DSCAM: variants seen among roughly 807,000 people sequenced by gnomAD.
DSCAM encodes DS cell adhesion molecule, also known as cell adhesion molecule DSCAM.
A neutral mutation model predicts 217.7 loss-of-function variants in DSCAM; 47 were observed. That is an observed-to-expected ratio of 0.22 (90% CI 0.17 to 0.28). DSCAM has a LOEUF of 0.28. Among genes scored for constraint, DSCAM ranks in the 10% least tolerant of loss-of-function variants. DSCAM has a pLI of 1.00. For missense variants in DSCAM, 2,080 were observed against 2,618.3 expected (o/e 0.79, Z 4.49); for synonymous variants, 1,056 against 1,015.3 (o/e 1.04, Z -0.76).
At chr21:40,457,906 A>G (rs1192318206) in intron 3 of DSCAM, among the ~76,000 whole-genome samples, 1 of 152,226 alleles carries the variant, frequency 6.6e-6, no homozygotes. Flanking sequence ...AAAACAGGGT[A>G]GAAAGCATTC....
intron 3 of DSCAM, among the ~76,000 whole-genome samples, chr21:40,643,931 C>A (rs933568820): frequency 6.6e-5 from 10 of 152,212 alleles, no homozygotes; most frequent in African/African-American, 1.4e-4. Flanking sequence ...GATTTTGTTA[C>A]GGCAGCCTGA....
At chr21:40,717,015 G>T (rs1221277580) in intron 1 of DSCAM, among the ~76,000 whole-genome samples, 1 of 152,192 alleles carries the variant, frequency 6.6e-6, no homozygotes, top group Non-Finnish European at 1.5e-5. Flanking sequence ...GTACATTCTA[G>T]GCAGAAGTCT....
At chr21:40,472,604 G>C (rs936789340) in intron 3 of DSCAM, among the ~76,000 whole-genome samples, 3 of 152,174 alleles carry the variant, frequency 2.0e-5, no homozygotes, top group Non-Finnish European at 2.9e-5. Context: ...ATCATTAGGA[G>C]CTTAGAGCTT....
At chr21:40,745,993 G>A (rs866722360) in intron 1 of DSCAM, among the ~76,000 whole-genome samples, 1 of 151,742 alleles carries the variant, frequency 6.6e-6, no homozygotes, top group Admixed American at 6.6e-5. Flanking sequence ...AAGATAACTT[G>A]TTTTAACTAT....
intron 11 of DSCAM, among the ~76,000 whole-genome samples, chr21:40,197,508 T>C (rs1048936437): frequency 8.5e-5 from 13 of 152,186 alleles, no homozygotes; most frequent in African/African-American, 3.1e-4. Flanking sequence ...CTCCTATCCC[T>C]AATGCAAAGT....
rs185612923 is a variant in DSCAM, at chr21:40,779,946, T to C, written c.43+66673A>G. ...AGATTTATATATACAGCTATATCCATGGGAAGGAAAAAACAGACACCTGAT... is the reference window on the plus strand; with the variant it reads ...AGATTTATATATACAGCTATATCCACGGGAAGGAAAAAACAGACACCTGAT... On this transcript the variant is annotated intron_variant, in intron 1 of 32. Transcript: ENST00000400454. Among the ~76,000 whole-genome samples the C allele has an allele frequency of 5.3e-5, 8 of 152,298 alleles. 1 individual carries two copies. Among genetic ancestry groups the C allele is most frequent in the African/African-American group, 1.9e-4 (8 of 41,580 alleles).
intron 10 of DSCAM, among the ~76,000 whole-genome samples, chr21:40,281,038 C>A (rs983991651): frequency 1.1e-4 from 17 of 152,188 alleles, no homozygotes; most frequent in African/African-American, 3.9e-4. Flanking sequence ...AACCCCTTGG[C>A]TGCAATGTTG....
intron 1 of DSCAM, among the ~76,000 whole-genome samples, chr21:40,798,329 C>A (rs935798087): frequency 6.6e-6 from 1 of 151,946 alleles, no homozygotes; most frequent in African/African-American, 2.4e-5. Flanking sequence ...CACAGACACA[C>A]CCTAAATGAA....
chr21:40,600,438 G>A (rs2077053757), intron 3 of DSCAM, among the ~76,000 whole-genome samples: 1 of 152,122 alleles, frequency 6.6e-6, no homozygotes, highest in Admixed American at 6.5e-5. Flanking sequence ...CGAGGGCAGA[G>A]ACCTCATGAT....
chr21:40,629,216 TGA>T (rs1377205661), intron 3 of DSCAM, among the ~76,000 whole-genome samples: 1 of 152,136 alleles, frequency 6.6e-6, no homozygotes, highest in Non-Finnish European at 1.5e-5. Flanking sequence ...GCCCAGAGAT[TGA>T]GAGTCATGGG....
rs529462522 is a variant in DSCAM, at chr21:40,372,551, C to A, written c.509-3306G>T. Among the ~76,000 whole-genome samples the A allele has an allele frequency of 3.5e-3, 528 of 152,330 alleles. 7 individuals carry two copies. Among genetic ancestry groups the A allele is most frequent in the African/African-American group, 0.012 (518 of 41,584 alleles). On this transcript the variant is annotated intron_variant, in intron 3 of 32. Coordinates refer to ENST00000400454, the MANE Select transcript of DSCAM (RefSeq NM_001389.5). ...TTTGGACATCGATTATTGAGCCATG[C>A]TGCTCAGTTACCAGAGGGATGTCTC...
intron 3 of DSCAM, among the ~76,000 whole-genome samples, chr21:40,455,928 G>T (rs1355334231): frequency 1.3e-5 from 2 of 152,050 alleles, no homozygotes; most frequent in Non-Finnish European, 2.9e-5. Flanking sequence ...CTGCATAACT[G>T]GTGTGCTCGG....
At chr21:40,429,505 T>C (rs2145891882) in intron 3 of DSCAM, among the ~76,000 whole-genome samples, 1 of 152,190 alleles carries the variant, frequency 6.6e-6, no homozygotes, top group Non-Finnish European at 1.5e-5. Context: ...TGACCTCAGG[T>C]GATCCACCTG....
At chr21:40,033,338 C>G (rs2088566710) in intron 32 of DSCAM, among the ~76,000 whole-genome samples, 1 of 152,324 alleles carries the variant, frequency 6.6e-6, no homozygotes. Context: ...CGAGCCGAAG[C>G]AGGGCGAGGC....
intron 3 of DSCAM, among the ~76,000 whole-genome samples, chr21:40,419,439 G>A (rs570198055): frequency 6.6e-6 from 1 of 152,256 alleles, no homozygotes; most frequent in South Asian, 2.1e-4. Flanking sequence ...TTTTCTAACT[G>A]TGCAGGCTGG....
rs936938666 is a variant in DSCAM at position 40,535,182 on chromosome 21, A to AGG, written c.508+157626_508+157627dup. 9.8e-5 allele frequency among the ~76,000 whole-genome samples: 15 copies of AGG among 152,358 alleles called. No individual in the cohort carries two copies. The South Asian group carries it at 3.1e-3, about 32-fold the overall frequency. On this transcript the variant is annotated intron_variant, in intron 3 of 32. Coordinates refer to ENST00000400454, the MANE Select transcript of DSCAM (RefSeq NM_001389.5). ...ATGACACTCTCTATCTTAAAGGTGT[A>AGG]GGGGAGAATTAAATAAGATAATACA...
rs192061394 is a variant in DSCAM, at chr21:40,116,946, G to A, written c.3696+7249C>T. ...GAACCCGGGAGGCAGAGTTTGCAGT[G>A]AGCCGAGATCGCACCATTGCACTCC... On this transcript the variant is annotated intron_variant, in intron 20 of 32. Transcript: ENST00000400454. 5.1e-3 allele frequency among the ~76,000 whole-genome samples: 682 copies of A among 133,834 alleles called. 1 individual carries two copies. Among genetic ancestry groups the A allele is most frequent in the African/African-American group, 0.018 (627 of 35,254 alleles). The allele number at this position is 133,834 out of a possible 152,430, so 87.8% of individuals were successfully genotyped here.
intron 16 of DSCAM, among the ~76,000 whole-genome samples, chr21:40,146,978 A>T (rs2090364859): frequency 6.6e-6 from 1 of 152,232 alleles, no homozygotes; most frequent in Non-Finnish European, 1.5e-5. Flanking sequence ...TGTAAACGTC[A>T]CCTATAAGTC....
chr21:40,581,394 C>G (rs1601763207), intron 3 of DSCAM, among the ~76,000 whole-genome samples: 3 of 152,158 alleles, frequency 2.0e-5, no homozygotes, highest in African/African-American at 7.2e-5. Context: ...GGTATACACT[C>G]TCATCCCTGT....
Sources: gnomAD v4.1 joint callset for allele counts (sites outside exome capture counted in the v4.1 genomes callset) on GRCh38, gnomAD v4.1.1 for gene constraint, MANE v1.5 for transcripts, NCBI Gene and HGNC (gene_info 2026-07-23, HGNC 2026-07-21) for gene names.